SGSM2: variants seen among roughly 807,000 people sequenced by gnomAD.
SGSM2 encodes the protein RUN and TBC1 domain containing 1.
A neutral mutation model predicts 126.6 loss-of-function variants in SGSM2; 89 were observed. The observed-to-expected ratio is 0.70, with a 90% CI of 0.59 to 0.84. The LOEUF is 0.84. Ranked by LOEUF, SGSM2 falls within the 40% of genes least tolerant of loss-of-function variation. SGSM2 has a pLI of 0.00. For synonymous variants in SGSM2, 614 were observed against 574.3 expected, an observed-to-expected ratio of 1.07 and a Z score of -0.99; for missense variants, 1,404 against 1,416.6, an observed-to-expected ratio of 0.99 and a Z score of 0.14.
At chr17:2,378,718 G>A (rs1231976399) in intron 22 of SGSM2, among the ~76,000 whole-genome samples, 1 of 152,196 alleles carries the variant, frequency 6.6e-6, no homozygotes, top group East Asian at 1.9e-4. Flanking sequence ...CTGAAGTGCA[G>A]GCAGAGTCTG....
intron 17 of SGSM2, chr17:2,375,243 A>C: frequency 2.5e-6 from 1 of 405,280 alleles, no homozygotes. Context: ...TAGCCACAGG[A>C]AGACCTGGGG....
chr17:2,371,207 T>C, intron 12 of SGSM2, 55 bp from the exon 13 acceptor site: 1 of 1,555,990 alleles, frequency 6.4e-7, no homozygotes, highest in South Asian at 1.2e-5. Context: ...TGGTGCAGGG[T>C]GCCTGGGAGA....
chr17:2,376,556 G>C (rs1036973254), intron 19 of SGSM2, 177 bp from the exon 20 acceptor site: 40 of 754,664 alleles, frequency 5.3e-5, no homozygotes, highest in Non-Finnish European at 7.7e-5. Context: ...GAGTGCCTTG[G>C]GGGGGACCCG....
intron 13 of SGSM2, chr17:2,371,714 G>A (rs931260761): frequency 4.3e-5 from 18 of 413,928 alleles, no homozygotes; most frequent in African/African-American, 1.3e-4. Context: ...GAGTTGTGCC[G>A]GCACATCATG....
At chr17:2,373,720 G>A (rs2065995517) in intron 17 of SGSM2, 2 of 582,550 alleles carry the variant, frequency 3.4e-6, no homozygotes, top group South Asian at 4.3e-5. Flanking sequence ...AATAAAGTGA[G>A]AGAGTGCATT....
At chr17:2,368,513 G>A (rs957367329) in intron 12 of SGSM2, among the ~76,000 whole-genome samples, 10 of 152,268 alleles carry the variant, frequency 6.6e-5, no homozygotes, top group Admixed American at 2.0e-4. Context: ...AAGTTCTGCC[G>A]GGAAGCCCAG....
rs1357932335 is a variant in SGSM2 at position 2,375,668 on chromosome 17, C to T, written c.2277C>T (p.Ser759=). ...GACTGCCCTCCTCTCGCAATTACTC[C>T]GTGGCCTCGGGCATCCAGTCAAGCC... The part of the protein sequence containing the change: ...DSGLPSSRNY[S]VASGIQSSLD... Residue 759 remains serine (S), a synonymous_variant, in exon 18 of 24, where the codon TCC becomes TCT. Transcript: ENST00000268989. 1.2e-6 allele frequency: 2 copies of T among 1,613,944 alleles called. No homozygotes were observed. Among genetic ancestry groups the T allele is most frequent in the Non-Finnish European group, 8.5e-7 (1 of 1,179,980 alleles).
chr17:2,377,105 C>A, intron 21 of SGSM2, 37 bp downstream of exon 21: 1 of 1,348,392 alleles, frequency 7.4e-7, no homozygotes, highest in African/African-American at 1.4e-5. Context: ...TGGGAGCAGG[C>A]AGTGCTGGGC....
chr17:2,365,891 G>C (rs1349489325), intron 11 of SGSM2, among the ~76,000 whole-genome samples: 1 of 151,890 alleles, frequency 6.6e-6, no homozygotes, highest in Admixed American at 6.6e-5. Flanking sequence ...GATTACAGGC[G>C]CACACCTCCA....
intron 12 of SGSM2, among the ~76,000 whole-genome samples, chr17:2,368,808 G>C (rs2065719767): frequency 6.6e-6 from 1 of 152,202 alleles, no homozygotes; most frequent in Non-Finnish European, 1.5e-5. Flanking sequence ...ACAGTGAACT[G>C]ACTGAGCAGT....
intron 1 of SGSM2, among the ~76,000 whole-genome samples, chr17:2,340,784 CCAT>C (rs761748248): frequency 1.1e-4 from 16 of 151,976 alleles, no homozygotes; most frequent in Non-Finnish European, 2.1e-4. Context: ...CGGGGTTTCA[CCAT>C]GTTAGCCAGG....
At chr17:2,373,572 C>T (rs2065987827) in intron 17 of SGSM2, 59 bp downstream of exon 17, 2 of 1,482,572 alleles carry the variant, frequency 1.3e-6, no homozygotes, top group South Asian at 2.4e-5. Context: ...GTTTTATGCA[C>T]AGTGGTCCTG....
Position 2,362,023 on chromosome 17 carries a change from G to T in SGSM2, c.297-86G>T. ...AGTCAGTTCTCTGTGCTCCCATCTTGGGGTACCAAGCCCCACTCCCAATGC... is the reference window on the plus strand; with the variant it reads ...AGTCAGTTCTCTGTGCTCCCATCTTTGGGTACCAAGCCCCACTCCCAATGC... On this transcript the variant is annotated intron_variant, in intron 3 of 23. Coordinates refer to ENST00000268989, the MANE Select transcript of SGSM2 (RefSeq NM_014853.3). The surrounding 1 kb of genome is among the most constrained non-coding windows in gnomAD (Gnocchi z 4.9). 1 of 1,495,938 alleles carries T rather than the reference G, an allele frequency of 6.7e-7. No homozygotes were observed. The highest frequency in any genetic ancestry group is 2.3e-5 in the East Asian group (1 of 44,154). 92.7% of individuals were successfully genotyped at this position (1,495,938 alleles called of 1,614,324 possible).
chr17:2,349,151 G>A (rs2064737549), intron 2 of SGSM2, among the ~76,000 whole-genome samples: 3 of 151,990 alleles, frequency 2.0e-5, no homozygotes, highest in Non-Finnish European at 4.4e-5. Context: ...TCAGCTGGGT[G>A]GATCACCTGA....
At chr17:2,379,316 G>A (rs2151649642) in intron 23 of SGSM2, 113 bp downstream of exon 23, 2 of 1,567,008 alleles carry the variant, frequency 1.3e-6, no homozygotes, top group South Asian at 1.1e-5. Context: ...CTTCCCCAAA[G>A]GCCGGGATGT....
chr17:2,358,873 G>T lies in SGSM2; in HGVS notation c.134-2764G>T, dbSNP rs12949807. On this transcript the variant is annotated intron_variant, in intron 2 of 23. Transcript: ENST00000268989. ...GGGGCTCTTTTTTGTTGTTGTTGTT[G>T]TTTTTTTTTTTTTTTTTTTTTGAGA... Among the ~76,000 whole-genome samples the T allele has an allele frequency of 2.7e-3, 239 of 88,162 alleles. 1 individual carries two copies. The highest frequency in any genetic ancestry group is 5.6e-3 in the African/African-American group (121 of 21,560). The allele number at this position is 88,162 out of a possible 152,430, so 57.8% of individuals were successfully genotyped here.
Position 2,372,692 on chromosome 17 carries a change from A to G in SGSM2, c.1788+204A>G. ...TGGACTGGGAAGCCGTCCTGCCTCCACATCGCCCTGTGACCCTGGACAAAG... is the reference window on the plus strand; with the variant it reads ...TGGACTGGGAAGCCGTCCTGCCTCCGCATCGCCCTGTGACCCTGGACAAAG... On this transcript the variant is annotated intron_variant, in intron 15 of 23. Transcript: ENST00000268989. The surrounding 1 kb of genome is among the most constrained non-coding windows in gnomAD (Gnocchi z 6.0). 1 of 832,380 alleles carries G rather than the reference A, an allele frequency of 1.2e-6. No individual in the cohort carries two copies. Among genetic ancestry groups the G allele is most frequent in the Non-Finnish European group, 1.9e-6 (1 of 532,694 alleles). The allele number at this position is 832,380 out of a possible 1,614,324, so 51.6% of individuals were successfully genotyped here.
intron 12 of SGSM2, among the ~76,000 whole-genome samples, chr17:2,369,565 G>A (rs567325389): frequency 1.3e-5 from 2 of 152,338 alleles, no homozygotes; most frequent in African/African-American, 2.4e-5. Flanking sequence ...CTCAGAGACA[G>A]TGTTCGAATG....
In SGSM2 at chr17:2,363,273, C is replaced by A; in HGVS notation, c.672+139C>A. The A allele has an allele frequency of 7.5e-7, 1 of 1,339,564 alleles. No individual in the cohort carries two copies. The highest frequency in any genetic ancestry group is 1.0e-6 in the Non-Finnish European group (1 of 998,298). 83.0% of individuals were successfully genotyped at this position (1,339,564 alleles called of 1,614,324 possible). A position where few individuals can be genotyped will look rare whatever the true frequency, so the allele number is the denominator to read the frequency against. On this transcript the variant is annotated intron_variant, in intron 6 of 23. Transcript: ENST00000268989. This position sits in a 1 kb window ranked among gnomAD's most constrained non-coding sequence, Gnocchi z 4.2. ...CTGCCTCAGAAGAGCCTTCTCCGCACAATAAAACTTAACACAAATGCCGGG... is the reference window on the plus strand; with the variant it reads ...CTGCCTCAGAAGAGCCTTCTCCGCAAAATAAAACTTAACACAAATGCCGGG...
Sources: gnomAD v4.1 joint callset for allele counts (sites outside exome capture counted in the v4.1 genomes callset) on GRCh38, gnomAD v4.1.1 for gene constraint, Gnocchi (gnomAD v3.1) non-coding constraint, MANE v1.5 for transcripts, NCBI Gene and HGNC (gene_info 2026-07-23, HGNC 2026-07-21) for gene names.